The following PSD3 variants were observed in gnomAD, a reference collection of about 807,000 sequenced individuals.
PSD3 encodes PH and SEC7 domain-containing protein 3.
Under a neutral mutation model 105.5 loss-of-function variants are expected in PSD3, and 49 were observed. The observed-to-expected ratio is 0.46, with a 90% CI of 0.37 to 0.59. The LOEUF is 0.59. PSD3 is among the 20% of genes least tolerant of loss of function. PSD3 has a pLI of 0.00. For missense variants in PSD3, 1,561 were observed against 1,263.8 expected, an observed-to-expected ratio of 1.24 and a Z score of -3.57; for synonymous variants, 557 against 457.8, an observed-to-expected ratio of 1.22 and a Z score of -2.77.
intron 1 of PSD3, among the ~76,000 whole-genome samples, chr8:18,986,969 A>C (rs1825531163): frequency 6.6e-6 from 1 of 152,146 alleles, no homozygotes; most frequent in Admixed American, 6.5e-5. Flanking sequence ...GGAGTTATGT[A>C]TATCCTACTG....
chr8:18,908,489 AC>A (rs1563408157), intron 2 of PSD3, among the ~76,000 whole-genome samples: 1 of 152,188 alleles, frequency 6.6e-6, no homozygotes, highest in East Asian at 1.9e-4. Context: ...AAATGAGCAT[AC>A]CTGGAAAAAG....
chr8:18,778,561 T>C (rs746056799), intron 8 of PSD3, among the ~76,000 whole-genome samples: 2 of 152,154 alleles, frequency 1.3e-5, no homozygotes, highest in Non-Finnish European at 2.9e-5. Flanking sequence ...ATTTCAGTTC[T>C]GCCTCAGTAT....
intron 9 of PSD3, among the ~76,000 whole-genome samples, chr8:18,668,784 A>C (rs1473492968): frequency 6.6e-6 from 1 of 152,194 alleles, no homozygotes; most frequent in Non-Finnish European, 1.5e-5. Flanking sequence ...TATTATTTTA[A>C]ATATAGATAA....
upstream of PSD3, among the ~76,000 whole-genome samples, chr8:19,013,895 C>A (rs1388157621): frequency 6.7e-6 from 1 of 149,904 alleles, no homozygotes; most frequent in Non-Finnish European, 1.5e-5. Context: ...GGTGGCTGGG[C>A]CTCCGAGGCG....
At chr8:18,974,588 G>T (rs1159668642) in intron 1 of PSD3, among the ~76,000 whole-genome samples, 2 of 151,686 alleles carry the variant, frequency 1.3e-5, no homozygotes, top group Non-Finnish European at 2.9e-5. Context: ...AGAGCAACAA[G>T]CAAAAGGAAA....
chr8:18,869,431 G>A (rs911899903), intron 3 of PSD3, among the ~76,000 whole-genome samples: 4 of 151,842 alleles, frequency 2.6e-5, no homozygotes, highest in African/African-American at 7.3e-5. Context: ...TGCCTGCCTC[G>A]GCCTCCCAAA....
chr8:18,558,796 G>C (rs1422237318), intron 14 of PSD3, among the ~76,000 whole-genome samples: 1 of 152,130 alleles, frequency 6.6e-6, no homozygotes, highest in East Asian at 1.9e-4. Flanking sequence ...ACTCCAGTCT[G>C]GGTGACAGAG....
At chr8:18,556,379 C>T (rs778189276) in intron 14 of PSD3, 27 bp from the exon 15 acceptor site, 18 of 1,578,734 alleles carry the variant, frequency 1.1e-5, no homozygotes, top group Admixed American at 7.5e-5. Flanking sequence ...TGCCATTTAG[C>T]GTTCAAAAAA....
At chr8:18,544,587 G>C (rs2130010596) in intron 15 of PSD3, among the ~76,000 whole-genome samples, 1 of 152,160 alleles carries the variant, frequency 6.6e-6, no homozygotes, top group South Asian at 2.1e-4. Context: ...CCGTTCTTTT[G>C]ATTCATTCTC....
At chr8:18,720,576 T>C (rs1321682389) in intron 9 of PSD3, among the ~76,000 whole-genome samples, 2 of 152,058 alleles carry the variant, frequency 1.3e-5, no homozygotes, top group Admixed American at 6.6e-5. Flanking sequence ...ACAAAATACA[T>C]GCAAAATGAC....
intron 9 of PSD3, among the ~76,000 whole-genome samples, chr8:18,698,682 T>C (rs1801401590): frequency 6.6e-6 from 1 of 152,312 alleles, no homozygotes; most frequent in South Asian, 2.1e-4. Context: ...TTTATGGTAA[T>C]TTGATACAGT....
intron 8 of PSD3, among the ~76,000 whole-genome samples, chr8:18,791,176 C>T (rs987393127): frequency 1.3e-5 from 2 of 152,144 alleles, no homozygotes; most frequent in Non-Finnish European, 2.9e-5. Context: ...AGATTCAATG[C>T]TATCCCCATT....
chr8:18,973,416 C>T (rs1183111855), intron 1 of PSD3, among the ~76,000 whole-genome samples: 4 of 152,174 alleles, frequency 2.6e-5, no homozygotes, highest in Non-Finnish European at 5.9e-5. Context: ...GGTGGCGGCC[C>T]TCTTACTGGC....
intron 12 of PSD3, among the ~76,000 whole-genome samples, chr8:18,581,453 T>C (rs1418624805): frequency 6.6e-6 from 1 of 152,176 alleles, no homozygotes; most frequent in Non-Finnish European, 1.5e-5. Context: ...ACAGAAACAC[T>C]GTACCATAAA....
chr8:19,064,302 T>C (rs1829000433), intron 1 of PSD3, among the ~76,000 whole-genome samples: 1 of 152,234 alleles, frequency 6.6e-6, no homozygotes, highest in Non-Finnish European at 1.5e-5. Flanking sequence ...ATGAGAATGC[T>C]TAAATGGCTT....
rs150951430 is a variant in PSD3 at position 18,641,955 on chromosome 8, T to C, written c.2217-9149A>G. On this transcript the variant is annotated intron_variant, in intron 10 of 15. Coordinates refer to ENST00000327040, the MANE Select transcript of PSD3 (RefSeq NM_015310.4). ...AAATTTTAAAATTCTGCTGAAAATATGAATTGCATTCTATTCTCTAAAAAT... is the reference window on the plus strand; with the variant it reads ...AAATTTTAAAATTCTGCTGAAAATACGAATTGCATTCTATTCTCTAAAAAT... Among the ~76,000 whole-genome samples the C allele has an allele frequency of 8.8e-3, 1,336 of 152,278 alleles. 26 individuals carry two copies. Among genetic ancestry groups the C allele is most frequent in the African/African-American group, 0.031 (1,268 of 41,562 alleles).
chr8:18,855,313 T>C (rs1440182595), intron 4 of PSD3, among the ~76,000 whole-genome samples: 4 of 152,202 alleles, frequency 2.6e-5, no homozygotes, highest in East Asian at 1.9e-4. Flanking sequence ...CCTAAATATA[T>C]ACCCAGACTA....
At chr8:18,566,447 A>C (rs1211589860) in intron 14 of PSD3, among the ~76,000 whole-genome samples, 1 of 150,128 alleles carries the variant, frequency 6.7e-6, no homozygotes, top group Non-Finnish European at 1.5e-5. Flanking sequence ...AATGGCATGA[A>C]CCCGGGAGGT....
intron 12 of PSD3, among the ~76,000 whole-genome samples, chr8:18,589,676 G>T (rs1477795228): frequency 6.6e-6 from 1 of 152,200 alleles, no homozygotes; most frequent in Non-Finnish European, 1.5e-5. Context: ...GTCTGGAGAA[G>T]GGGTGGCAGG....
Sources: gnomAD v4.1 joint callset for allele counts (sites outside exome capture counted in the v4.1 genomes callset) on GRCh38, gnomAD v4.1.1 for gene constraint, MANE v1.5 for transcripts, NCBI Gene and HGNC (gene_info 2026-07-23, HGNC 2026-07-21) for gene names.